EVI5: variants seen among roughly 807,000 people sequenced by gnomAD.
The protein encoded by EVI5 is ecotropic viral integration site 5 protein homolog.
In EVI5, 73 loss-of-function variants were observed where a neutral mutation model predicts 112.0. The ratio of observed to expected loss-of-function variants is 0.65; its 90% CI spans 0.54 to 0.79. The LOEUF (loss-of-function observed/expected upper bound fraction) is 0.79, where lower values mean the gene tolerates loss of function less well. EVI5 is among the 30% of genes least tolerant of loss of function. EVI5 has a pLI of 0.00. For synonymous variants in EVI5, 305 were observed against 319.9 expected, an observed-to-expected ratio of 0.95 and a Z score of 0.50; for missense variants, 900 against 968.8, an observed-to-expected ratio of 0.93 and a Z score of 0.94.
At chr1:92,632,660 T>C (rs1355106884) in intron 14 of EVI5, among the ~76,000 whole-genome samples, 1 of 152,230 alleles carries the variant, frequency 6.6e-6, no homozygotes, top group African/African-American at 2.4e-5. Context: ...GGGCTTTTTA[T>C]GTCTCTATTT....
At chr1:92,646,048 G>A (rs1184709663) in intron 13 of EVI5, among the ~76,000 whole-genome samples, 1 of 152,134 alleles carries the variant, frequency 6.6e-6, no homozygotes, top group Non-Finnish European at 1.5e-5. Context: ...TCACCAATGG[G>A]TTCTAGCACA....
rs547240356 is a variant in EVI5, at chr1:92,648,832, G to T, written c.1393-12496C>A. Among the ~76,000 whole-genome samples the T allele has an allele frequency of 4.6e-5, 7 of 152,256 alleles. No individual in the cohort carries two copies. The South Asian group carries it at 1.5e-3, about 32-fold the overall frequency. On this transcript the variant is annotated intron_variant, in intron 13 of 19. Coordinates refer to ENST00000684568, the MANE Select transcript of EVI5 (RefSeq NM_001350197.2). ...TTCTGTGAATGCTGCTGCTACAAACGTGTATACACATACTTGTTTGAGTAC... is the reference window on the plus strand; with the variant it reads ...TTCTGTGAATGCTGCTGCTACAAACTTGTATACACATACTTGTTTGAGTAC...
At chr1:92,726,708 T>G (rs1000509151) in intron 2 of EVI5, among the ~76,000 whole-genome samples, 1 of 152,156 alleles carries the variant, frequency 6.6e-6, no homozygotes, top group African/African-American at 2.4e-5. Flanking sequence ...AATTGACTGT[T>G]GAGTTAAAAA....
At chr1:92,602,246 G>A (rs1397867040) in intron 18 of EVI5, among the ~76,000 whole-genome samples, 9 of 152,138 alleles carry the variant, frequency 5.9e-5, no homozygotes, top group Non-Finnish European at 1.2e-4. Context: ...TTACAGCAAA[G>A]ACTATTGTGA....
rs1000570064 is a variant in EVI5 at position 92,511,939 on chromosome 1, G to A, written c.*1717C>T. ...TTTTTTTTGCCGCATGCAACATACTGTGCAAAACTGTGCCTCCATACATAC... is the reference window on the plus strand; with the variant it reads ...TTTTTTTTGCCGCATGCAACATACTATGCAAAACTGTGCCTCCATACATAC... On this transcript the variant is annotated 3_prime_UTR_variant, in exon 20 of 20. Transcript: ENST00000684568. 2 of 151,424 alleles carry A rather than the reference G, an allele frequency of 1.3e-5. No individual in the cohort carries two copies. Among genetic ancestry groups the A allele is most frequent in the Non-Finnish European group, 2.9e-5 (2 of 67,904 alleles). The allele number at this position is 151,424 out of a possible 1,614,324, so 9.4% of individuals were successfully genotyped here. A position where few individuals can be genotyped will look rare whatever the true frequency, so the allele number is the denominator to read the frequency against.
chr1:92,637,251 G>A (rs1392583598), intron 13 of EVI5, among the ~76,000 whole-genome samples: 16 of 152,038 alleles, frequency 1.1e-4, no homozygotes, highest in Admixed American at 9.8e-4. Context: ...GGTGGCACAC[G>A]CCTGTAATCC....
intron 19 of EVI5, among the ~76,000 whole-genome samples, chr1:92,520,988 G>T (rs1175471514): frequency 2.7e-5 from 4 of 150,058 alleles, no homozygotes; most frequent in Non-Finnish European, 4.4e-5. Context: ...TTGAGACAGG[G>T]TCTCACTCTG....
At chr1:92,552,247 C>T (rs1388168774) in intron 19 of EVI5, among the ~76,000 whole-genome samples, 3 of 151,918 alleles carry the variant, frequency 2.0e-5, no homozygotes, top group Non-Finnish European at 4.4e-5. Flanking sequence ...TGTGCCAGGA[C>T]TTTCAAAAGA....
chr1:92,570,390 G>A (rs1047171873), intron 18 of EVI5, among the ~76,000 whole-genome samples: 1 of 152,068 alleles, frequency 6.6e-6, no homozygotes, highest in Non-Finnish European at 1.5e-5. Context: ...GATGAAAAGT[G>A]AAATCCACTA....
chr1:92,735,503 A>G (rs911206771), intron 2 of EVI5, among the ~76,000 whole-genome samples: 3 of 151,318 alleles, frequency 2.0e-5, no homozygotes, highest in African/African-American at 4.9e-5. Flanking sequence ...AAACCTGTTA[A>G]AAGTTATTTT....
chr1:92,717,227 A>C (rs1230089738), intron 2 of EVI5, among the ~76,000 whole-genome samples: 1 of 152,084 alleles, frequency 6.6e-6, no homozygotes, highest in African/African-American at 2.4e-5. Flanking sequence ...AAGAAGAGCA[A>C]CCCCAAGACA....
rs1307457624 is a variant in EVI5 at position 92,511,769 on chromosome 1, G to C, written c.*1887C>G. 1 of 152,164 alleles carries C rather than the reference G, an allele frequency of 6.6e-6. No individual in the cohort carries two copies. Among genetic ancestry groups the C allele is most frequent in the Non-Finnish European group, 1.5e-5 (1 of 68,034 alleles). 9.4% of individuals were successfully genotyped at this position (152,164 alleles called of 1,614,324 possible). ...GCCTGGTGTTAAGGACAGACACGCA[G>C]GGGTATGTTTTCAATTTCATTTCTC... On this transcript the variant is annotated 3_prime_UTR_variant, in exon 20 of 20. Coordinates refer to ENST00000684568, the MANE Select transcript of EVI5 (RefSeq NM_001350197.2).
Position 92,784,915 on chromosome 1 carries a change from T to A in EVI5, c.-161A>T. 1.0e-6 allele frequency: 1 copy of A among 986,270 alleles called. No individual in the cohort carries two copies. Among genetic ancestry groups the A allele is most frequent in the Non-Finnish European group, 1.2e-6 (1 of 830,834 alleles). 61.1% of individuals were successfully genotyped at this position (986,270 alleles called of 1,614,324 possible). On this transcript the variant is annotated 5_prime_UTR_variant, in exon 1 of 20. Transcript: ENST00000684568. ...AGCCGCGCCGCCGCGTCTCAGCGCC[T>A]CGGCCCCGCTCCTGGCTCCACGGGT... is the stretch of plus-strand genomic sequence containing the variant.
At chr1:92,756,699 C>T (rs1324072935) in intron 1 of EVI5, 1 of 492,220 alleles carries the variant, frequency 2.0e-6, no homozygotes, top group Non-Finnish European at 4.1e-6. Context: ...ATAGACCTCA[C>T]CGCTGTATCG....
At chr1:92,597,676 A>T (rs1038291465) in intron 18 of EVI5, among the ~76,000 whole-genome samples, 7 of 152,276 alleles carry the variant, frequency 4.6e-5, no homozygotes, top group Non-Finnish European at 7.3e-5. Flanking sequence ...ATTATTGTCA[A>T]AATTCAAATA....
chr1:92,602,873 C>G (rs1649488021), intron 18 of EVI5, among the ~76,000 whole-genome samples: 1 of 151,912 alleles, frequency 6.6e-6, no homozygotes, highest in African/African-American at 2.4e-5. Flanking sequence ...AAATTAAAAA[C>G]TTTTGTGATA....
chr1:92,564,489 T>G (rs928987803), intron 18 of EVI5, among the ~76,000 whole-genome samples: 5 of 152,056 alleles, frequency 3.3e-5, no homozygotes, highest in African/African-American at 1.2e-4. Flanking sequence ...AGGACAACTT[T>G]GAGTCTCCTC....
chr1:92,724,586 T>C lies in EVI5; in HGVS notation c.149+11812A>G, dbSNP rs866288259. Among the ~76,000 whole-genome samples the C allele has an allele frequency of 2.7e-4, 41 of 152,218 alleles. No homozygotes were observed. In the Middle Eastern group the frequency reaches 0.01, roughly 38 times the overall value. ...ACCCTGGGAGGCCAAGGTGGGCAGATTGCTTCAGCCCAGGCGTTCGAGACA... is the reference window on the plus strand; with the variant it reads ...ACCCTGGGAGGCCAAGGTGGGCAGACTGCTTCAGCCCAGGCGTTCGAGACA... On this transcript the variant is annotated intron_variant, in intron 2 of 19. Coordinates refer to ENST00000684568, the MANE Select transcript of EVI5 (RefSeq NM_001350197.2).
intron 10 of EVI5, among the ~76,000 whole-genome samples, chr1:92,671,403 T>A (rs1302462760): frequency 6.6e-6 from 1 of 152,198 alleles, no homozygotes; most frequent in African/African-American, 2.4e-5. Context: ...ATTCTCAGGC[T>A]CAATTCTTGA....
Sources: allele counts gnomAD v4.1 joint callset (sites outside exome capture counted in the v4.1 genomes callset), GRCh38; gene constraint gnomAD v4.1.1; transcripts MANE v1.5; gene names NCBI Gene and HGNC (gene_info 2026-07-23, HGNC 2026-07-21).